ZFP28: variants seen among roughly 807,000 people sequenced by gnomAD.
ZFP28 encodes the protein zinc finger protein 28 homolog.
Under a neutral mutation model 39.5 loss-of-function variants are expected in ZFP28, and 31 were observed. That is an observed-to-expected ratio of 0.79 (90% CI 0.59 to 1.06). The LOEUF (loss-of-function observed/expected upper bound fraction) is 1.06. Among genes scored for constraint, ZFP28 ranks in the 50% least tolerant of loss-of-function variants. The probability of loss-of-function intolerance (pLI) is 0.00; values close to 1 mark genes in which losing one functional copy is unlikely to be tolerated. For missense variants in ZFP28, 925 were observed against 1,048.4 expected (o/e 0.88, Z 1.63); for synonymous variants, 400 against 378.6 (o/e 1.06, Z -0.66).
chr19:56,545,904 A>G (rs980408593), intron 2 of ZFP28: 1 of 152,228 alleles, frequency 6.6e-6, no homozygotes, highest in Non-Finnish European at 1.5e-5. Flanking sequence ...TCTATCTAGA[A>G]CACACAAATG....
intron 7 of ZFP28, 22 bp downstream of exon 7, chr19:56,550,627 G>A (rs372684507): frequency 2.5e-5 from 41 of 1,613,250 alleles, no homozygotes; most frequent in Non-Finnish European, 3.2e-5. Context: ...AGAGCCTGGT[G>A]TGGAAAATCT....
chr19:56,554,593 A>G lies in ZFP28; in HGVS notation c.1808A>G (p.His603Arg). ...GGAAAAGCTTTTAGGCAGAATATAC[A>G]CCTTGCCAGTCATTTAAGGATTCAT... ...ECGKAFRQNI[H>R]LASHLRIHTG... Residue 603 changes from histidine to arginine, a missense_variant, in exon 8 of 8, where the codon CAC becomes CGC. Physicochemically the swap from His to Arg is conservative, Grantham distance 29 (BLOSUM62 0). Around this residue, in one of 2 missense-constraint regions of ZFP28, gnomAD observed 369 missense variants for 505.5 expected, o/e 0.73. Transcript: ENST00000301318. The surrounding 1 kb of genome is among the most constrained non-coding windows in gnomAD (Gnocchi z 6.7). The G allele has an allele frequency of 1.2e-6, 2 of 1,614,146 alleles. No homozygotes were observed. The highest frequency in any genetic ancestry group is 1.7e-6 in the Non-Finnish European group (2 of 1,180,034).
Position 56,547,514 on chromosome 19 carries a change from G to T in ZFP28, c.307G>T (p.Val103Leu), listed in dbSNP as rs754481704. 2 of 1,614,184 alleles carry T rather than the reference G, an allele frequency of 1.2e-6. No homozygotes were observed. The highest frequency in any genetic ancestry group is 1.1e-5 in the South Asian group (1 of 91,078). Residue 103 changes from valine to leucine, a missense_variant, in exon 3 of 8, where the codon GTG (valine) becomes TTG (leucine). This residue lies in a region of ZFP28 where 556 missense variants were observed against 542.9 expected (regional missense o/e 1.02). Transcript: ENST00000301318. The surrounding 1 kb of genome is among the most constrained non-coding windows in gnomAD (Gnocchi z 4.6). ...IEPKAMSQGL[V>L]TFGDVAVDFS... The stretch of plus-strand genomic sequence containing the variant: ...CATGGTTATATCATTTCAGGGCTTG[G>T]TGACATTTGGGGATGTGGCTGTAGA...
Position 56,555,407 on chromosome 19 carries a change from TTC to T in ZFP28, c.*17_*18del. 1 of 1,584,690 alleles carries T rather than the reference TTC, an allele frequency of 6.3e-7. No homozygotes were observed. Among genetic ancestry groups the T allele is most frequent in the Non-Finnish European group, 8.6e-7 (1 of 1,166,622 alleles). On this transcript the variant is annotated 3_prime_UTR_variant, in exon 8 of 8. Transcript: ENST00000301318. ...CATCACCATAGCCTCGAGACGTCAT[TTC>T]TGTTTGACTACTCCAGCAGTTTAAA... is the stretch of plus-strand genomic sequence containing the variant.
In ZFP28 at chr19:56,549,848, C is replaced by T. The variant is rs540331490; in HGVS notation, c.688-219C>T. Among the ~76,000 whole-genome samples, 4 of 152,104 alleles carry T rather than the reference C, an allele frequency of 2.6e-5. No individual in the cohort carries two copies. The East Asian group carries it at 5.8e-4, about 22-fold the overall frequency. The stretch of plus-strand genomic sequence containing the variant: ...TCATACTGTGTGTAAGTATGACAAA[C>T]TCTCCATAGCAGAAAGTTTCTCCTA... On this transcript the variant is annotated intron_variant, in intron 5 of 7. Transcript: ENST00000301318.
chr19:56,539,260 A>G, intron 1 of ZFP28, 34 bp downstream of exon 1: 1 of 1,554,722 alleles, frequency 6.4e-7, no homozygotes, highest in South Asian at 1.2e-5. Flanking sequence ...CCGAGCGGAC[A>G]GGGACGAATT....
chr19:56,543,635 TATA>T (rs2044215528), intron 2 of ZFP28, among the ~76,000 whole-genome samples: 1 of 152,100 alleles, frequency 6.6e-6, no homozygotes. Flanking sequence ...TCTGTGCCTG[TATA>T]ATGTTTTCTC....
rs767107958 is a variant in ZFP28, at chr19:56,547,950, T to G, written c.523+48T>G. The G allele has an allele frequency of 3.8e-6, 6 of 1,576,250 alleles. No individual in the cohort carries two copies. The highest frequency in any genetic ancestry group is 5.2e-6 in the Non-Finnish European group (6 of 1,149,030). On this transcript the variant is annotated intron_variant, in intron 4 of 7. Transcript: ENST00000301318. This position sits in a 1 kb window ranked among gnomAD's most constrained non-coding sequence, Gnocchi z 4.6. ...GGGTGAGGCCACTGCTGGTCATAGT[T>G]CAGCTGACTCAGACACGCAACATCT... is the stretch of plus-strand genomic sequence containing the variant.
intron 7 of ZFP28, chr19:56,553,053 C>G (rs1387600105): frequency 1.3e-5 from 2 of 152,064 alleles, no homozygotes; most frequent in East Asian, 3.9e-4. Context: ...ATAAGCATAT[C>G]AAAACATTTT....
intron 7 of ZFP28, 152 bp downstream of exon 7, chr19:56,550,757 A>T: frequency 1.3e-6 from 2 of 1,539,340 alleles, no homozygotes; most frequent in Non-Finnish European, 1.7e-6. Context: ...GTTCCAAATA[A>T]TTCTTTCCTC....
chr19:56,554,433 G>T lies in ZFP28; in HGVS notation c.1648G>T (p.Val550Leu). Residue 550 changes from valine to leucine, a missense_variant, in exon 8 of 8, where the codon GTA becomes TTA. Coordinates refer to ENST00000301318, the MANE Select transcript of ZFP28 (RefSeq NM_020828.2). This position sits in a 1 kb window ranked among gnomAD's most constrained non-coding sequence, Gnocchi z 6.7. ...CTTCAGGTATGGTTCCTCCCTTACT[G>T]TACATCAAAGGATTCATACCGGAGA... is the stretch of plus-strand genomic sequence containing the variant. ...KSFRYGSSLT[V>L]HQRIHTGEKP... is the part of the protein sequence containing the mutation. The T allele has an allele frequency of 3.1e-6, 5 of 1,614,132 alleles. No homozygotes were observed. Among genetic ancestry groups the T allele is most frequent in the Non-Finnish European group, 3.4e-6 (4 of 1,180,028 alleles).
chr19:56,555,630 T>A lies in ZFP28; in HGVS notation c.*238T>A. 1 of 499,936 alleles carries A rather than the reference T, an allele frequency of 2.0e-6. No individual in the cohort carries two copies. 31.0% of individuals were successfully genotyped at this position (499,936 alleles called of 1,614,324 possible). A position where few individuals can be genotyped will look rare whatever the true frequency, so the allele number is the denominator to read the frequency against. On this transcript the variant is annotated 3_prime_UTR_variant, in exon 8 of 8. Coordinates refer to ENST00000301318, the MANE Select transcript of ZFP28 (RefSeq NM_020828.2). ...ACTTAGCTGTTTTAAAAACTTTGTA[T>A]TTGAACATTGAAAAGTTACAGTAGT...
At chr19:56,550,413 C>G (rs992724316) in intron 6 of ZFP28, 97 bp from the exon 7 acceptor site, 1 of 1,128,532 alleles carries the variant, frequency 8.9e-7, no homozygotes, top group Non-Finnish European at 1.3e-6. Flanking sequence ...TTTTCTGTTT[C>G]TTTCAGCAGT....
rs1482113111 is a variant in ZFP28, at chr19:56,539,167, G to T, written c.149G>T (p.Arg50Met). 1.2e-6 allele frequency: 2 copies of T among 1,602,284 alleles called. No homozygotes were observed. The highest frequency in any genetic ancestry group is 2.2e-5 in the East Asian group (1 of 44,480). ...CCTGCCCGGGGAAGGCCGCGCTCAA[G>T]GAATGGCCTCGCATCCAAAGGCCAG... ...ALPARGRPRSRNGLASKGQRG... is the reference protein window; with the variant it reads ...ALPARGRPRSMNGLASKGQRG... Residue 50 changes from arginine to methionine, a missense_variant, in exon 1 of 8, where the codon AGG (arginine) becomes ATG (methionine). Arg to Met is a moderately conservative substitution (Grantham distance 91, BLOSUM62 -1). This residue lies in a region of ZFP28 where 556 missense variants were observed against 542.9 expected (regional missense o/e 1.02). Coordinates refer to ENST00000301318, the MANE Select transcript of ZFP28 (RefSeq NM_020828.2).
At position 56,550,594 on chromosome 19, in the gene ZFP28, G is replaced by A. The variant is rs2044291074; in HGVS notation, c.887G>A (p.Ser296Asn). The change falls in exon 7 of 8, where the codon AGC (serine) becomes AAC (asparagine). Residue 296 changes from serine (S) to asparagine (N), a missense_variant. By Grantham distance (46) the Ser-to-Asn change is conservative (BLOSUM62 1). Transcript: ENST00000301318. ...PWMVKRELTGSLFSGQRSVHE... is the reference protein window; with the variant it reads ...PWMVKRELTGNLFSGQRSVHE... ...ATGGTGAAGCGAGAGCTGACAGGAA[G>A]CCTGTTCTCAGGTGAGTGCAGGAGA... is the stretch of plus-strand genomic sequence containing the variant. The A allele has an allele frequency of 1.2e-6, 2 of 1,613,952 alleles. No homozygotes were observed. The highest frequency in any genetic ancestry group is 1.7e-5 in the Admixed American group (1 of 60,006).
At chr19:56,548,885 C>T (rs2044266818) in intron 4 of ZFP28, 73 bp from the exon 5 acceptor site, 15 of 1,413,808 alleles carry the variant, frequency 1.1e-5, no homozygotes, top group East Asian at 5.0e-5. Context: ...TTTAATTTAA[C>T]GGTTGCATTT....
intron 2 of ZFP28, among the ~76,000 whole-genome samples, chr19:56,541,982 C>A (rs1268793620): frequency 1.3e-5 from 2 of 148,678 alleles, no homozygotes; most frequent in African/African-American, 5.0e-5. Context: ...CCACCTCAGC[C>A]TCCCAAAGTG....
intron 2 of ZFP28, chr19:56,546,464 A>G (rs2044242375): frequency 6.6e-6 from 1 of 152,226 alleles, no homozygotes; most frequent in African/African-American, 2.4e-5. Context: ...AATCCTGCTC[A>G]TGCCAAGCTG....
At chr19:56,549,687 A>T (rs1386403967) in intron 5 of ZFP28, among the ~76,000 whole-genome samples, 1 of 152,056 alleles carries the variant, frequency 6.6e-6, no homozygotes, top group Non-Finnish European at 1.5e-5. Flanking sequence ...AAAAAAAAAA[A>T]GCTTTGAGCA....
Sources: allele counts gnomAD v4.1 joint callset (sites outside exome capture counted in the v4.1 genomes callset), GRCh38; gene constraint gnomAD v4.1.1; regional missense constraint gnomAD v4.1.1; non-coding constraint Gnocchi (gnomAD v3.1); transcripts MANE v1.5; gene names NCBI Gene and HGNC (gene_info 2026-07-23, HGNC 2026-07-21).